The following ARHGEF11 variants were observed in gnomAD, a reference collection of about 807,000 sequenced individuals.
ARHGEF11 encodes Rho guanine exchange factor (GEF) 11.
ARHGEF11 carries 55 observed loss-of-function variants against 193.7 expected under a neutral mutation model. The ratio of observed to expected loss-of-function variants is 0.28; its 90% CI spans 0.23 to 0.36. ARHGEF11 has a LOEUF of 0.36. Ranked by LOEUF, ARHGEF11 falls within the 10% of genes least tolerant of loss-of-function variation. The pLI is 1.00. For missense variants in ARHGEF11, 1,723 were observed against 2,005.6 expected, an observed-to-expected ratio of 0.86 and a Z score of 2.69; for synonymous variants, 693 against 768.0, an observed-to-expected ratio of 0.90 and a Z score of 1.62.
At chr1:157,010,170 T>TA (rs1301147125) in intron 1 of ARHGEF11, among the ~76,000 whole-genome samples, 1 of 152,092 alleles carries the variant, frequency 6.6e-6, no homozygotes, top group African/African-American at 2.4e-5. Context: ...CCCATCTCTA[T>TA]AAAAAATAAA....
At chr1:156,975,658 A>T (rs1054004593) in intron 7 of ARHGEF11, among the ~76,000 whole-genome samples, 1 of 152,068 alleles carries the variant, frequency 6.6e-6, no homozygotes, top group Admixed American at 6.5e-5. Flanking sequence ...CCCACCTAAA[A>T]TTTTTTCTAG....
At chr1:157,033,321 A>G (rs1671523316) in intron 1 of ARHGEF11, among the ~76,000 whole-genome samples, 1 of 151,062 alleles carries the variant, frequency 6.6e-6, no homozygotes, top group African/African-American at 2.4e-5. Context: ...CTTGCCCCAC[A>G]CTCTCCTTCA....
intron 1 of ARHGEF11, among the ~76,000 whole-genome samples, chr1:157,015,638 G>T (rs12405102): frequency 6.6e-6 from 1 of 152,048 alleles, no homozygotes; most frequent in Non-Finnish European, 1.5e-5. Context: ...TTACACTCTA[G>T]GTCCTCAGTA....
chr1:157,008,305 C>A (rs977794497), intron 1 of ARHGEF11, among the ~76,000 whole-genome samples: 11 of 151,720 alleles, frequency 7.3e-5, no homozygotes, highest in Non-Finnish European at 1.6e-4. Context: ...GGAGATGGGG[C>A]CTTTGGAGGG....
At position 156,984,685 on chromosome 1, in the gene ARHGEF11, C is replaced by T. The variant is rs547978948; in HGVS notation, c.125-248G>A. On this transcript the variant is annotated intron_variant, in intron 2 of 40. Transcript: ENST00000368194. ...TACCCTTCTCTGAGGTGCTAAAATGCTTGTCTCTCACAAACATGTCTGTCC... is the reference window on the plus strand; with the variant it reads ...TACCCTTCTCTGAGGTGCTAAAATGTTTGTCTCTCACAAACATGTCTGTCC... 2.6e-5 allele frequency among the ~76,000 whole-genome samples: 4 copies of T among 152,282 alleles called. No individual in the cohort carries two copies. In the South Asian group the frequency reaches 6.2e-4, roughly 24 times the overall value.
At chr1:156,980,379 G>C in intron 4 of ARHGEF11, 58 bp downstream of exon 4, 1 of 1,563,508 alleles carries the variant, frequency 6.4e-7, no homozygotes, top group Non-Finnish European at 8.7e-7. Flanking sequence ...AAGGCCAGGA[G>C]TGCCCTGCAC....
chr1:157,004,788 C>T (rs1343451884), intron 1 of ARHGEF11, among the ~76,000 whole-genome samples: 1 of 152,154 alleles, frequency 6.6e-6, no homozygotes, highest in Non-Finnish European at 1.5e-5. Flanking sequence ...TTACATCCCA[C>T]AAAGATGACA....
intron 1 of ARHGEF11, among the ~76,000 whole-genome samples, chr1:156,996,419 G>C (rs1022341915): frequency 6.6e-6 from 1 of 152,108 alleles, no homozygotes; most frequent in Non-Finnish European, 1.5e-5. Context: ...GACATTCTAG[G>C]GGAGGAAGCA....
intron 1 of ARHGEF11, among the ~76,000 whole-genome samples, chr1:157,043,730 C>T (rs1443596239): frequency 6.6e-6 from 1 of 152,172 alleles, no homozygotes; most frequent in Non-Finnish European, 1.5e-5. Flanking sequence ...CATTTTGGGA[C>T]CATGTCAGCT....
Position 156,959,150 on chromosome 1 carries a change from G to A in ARHGEF11, c.1283-8C>T, listed in dbSNP as rs749019556. On this transcript the variant is annotated splice_region_variant and splice_polypyrimidine_tract_variant and intron_variant, in intron 15 of 40. Coordinates refer to ENST00000368194, the MANE Select transcript of ARHGEF11 (RefSeq NM_198236.3). ...TGTTCCGCAGGCGCGAGTCTGTAGT[G>A]GGAGATCAGAGAAAGCAGAGTGGAT... 6.2e-7 allele frequency: 1 copy of A among 1,613,470 alleles called. No individual in the cohort carries two copies. Among genetic ancestry groups the A allele is most frequent in the Non-Finnish European group, 8.5e-7 (1 of 1,179,524 alleles).
chr1:157,015,871 G>C (rs1669161411), intron 1 of ARHGEF11, among the ~76,000 whole-genome samples: 1 of 152,154 alleles, frequency 6.6e-6, no homozygotes, highest in Non-Finnish European at 1.5e-5. Flanking sequence ...TTTCCACCAG[G>C]TGCCAGTCAC....
At chr1:156,962,901 A>C (rs1192443719) in intron 13 of ARHGEF11, among the ~76,000 whole-genome samples, 1 of 150,930 alleles carries the variant, frequency 6.6e-6, no homozygotes, top group Admixed American at 6.6e-5. Context: ...AAAAAAAAAA[A>C]AAAAAAACTC....
chr1:157,037,945 T>TCGCTTGAACC (rs1447736378), intron 1 of ARHGEF11, among the ~76,000 whole-genome samples: 1 of 141,586 alleles, frequency 7.1e-6, no homozygotes, highest in Non-Finnish European at 1.5e-5. Flanking sequence ...AGGCAGAGAA[T>TCGCTTGAACC]CGCTTGAACC....
Position 156,961,794 on chromosome 1 carries a change from G to A in ARHGEF11, c.1141-19C>T. ...AAAAAAGCTAGGAGGAGAGAGAACT[G>A]GGTTAGAGCAGTGGTTCTCCCCCAG... On this transcript the variant is annotated intron_variant, in intron 13 of 40. Transcript: ENST00000368194. 1.2e-6 allele frequency: 2 copies of A among 1,609,066 alleles called. No homozygotes were observed. The highest frequency in any genetic ancestry group is 8.5e-7 in the Non-Finnish European group (1 of 1,175,428).
rs138116638 is a variant in ARHGEF11 at position 156,973,509 on chromosome 1, C to T, written c.583-1693G>A. On this transcript the variant is annotated intron_variant, in intron 7 of 40. Coordinates refer to ENST00000368194, the MANE Select transcript of ARHGEF11 (RefSeq NM_198236.3). The stretch of plus-strand genomic sequence containing the variant: ...AGTCCCCAGTTTCAACTATCACCTT[C>T]ATACTGAGGATATCCGAATCTCTGT... Among the ~76,000 whole-genome samples the T allele has an allele frequency of 6.1e-3, 927 of 152,326 alleles. 10 individuals are homozygous for T. Among genetic ancestry groups the T allele is most frequent in the African/African-American group, 0.021 (861 of 41,578 alleles).
rs1334762178 is a variant in ARHGEF11 at position 156,937,453 on chromosome 1, T to C, written c.4236A>G (p.Ser1412=). 3 of 1,552,746 alleles carry C rather than the reference T, an allele frequency of 1.9e-6. No individual in the cohort carries two copies. Among genetic ancestry groups the C allele is most frequent in the Admixed American group, 2.0e-5 (1 of 49,942 alleles). ...YVSMPSGPPD[S]STDHSEAPMS... ...TGGGTGCCTCTGAGTGGTCGGTGCT[T>C]GAGTCCGGGGGTCCTGATGGCATGC... The change falls in exon 39 of 41, where the codon TCA becomes TCG. Residue 1412 remains serine, a synonymous_variant. Transcript: ENST00000368194.
intron 19 of ARHGEF11, 82 bp from the exon 20 acceptor site, chr1:156,955,881 C>T (rs1659873810): frequency 2.8e-6 from 3 of 1,055,126 alleles, no homozygotes; most frequent in Non-Finnish European, 4.4e-6. Flanking sequence ...CACTGTCCCC[C>T]AAGGCTGGCC....
chr1:156,962,889 A>AC (rs1661142906), intron 13 of ARHGEF11, among the ~76,000 whole-genome samples: 2 of 149,466 alleles, frequency 1.3e-5, no homozygotes, highest in African/African-American at 4.9e-5. Flanking sequence ...AAAAAAAAAA[A>AC]AAAAAAAAAA....
intron 1 of ARHGEF11, among the ~76,000 whole-genome samples, chr1:157,007,908 T>G (rs1040770988): frequency 1.1e-4 from 6 of 55,570 alleles, no homozygotes; most frequent in Non-Finnish European, 1.7e-4. Flanking sequence ...GGTTTTTTTT[T>G]TTTTGTTTTT....
Sources: allele counts gnomAD v4.1 joint callset (sites outside exome capture counted in the v4.1 genomes callset), GRCh38; gene constraint gnomAD v4.1.1; transcripts MANE v1.5; gene names NCBI Gene and HGNC (gene_info 2026-07-23, HGNC 2026-07-21).